DNAH10: variants seen among roughly 807,000 people sequenced by gnomAD.
DNAH10 encodes axonemal beta dynein heavy chain 10.
A neutral mutation model predicts 506.6 loss-of-function variants in DNAH10; 348 were observed. The observed-to-expected ratio is 0.69, with a 90% CI of 0.63 to 0.75. The LOEUF is 0.75. Ranked by LOEUF, DNAH10 falls within the 30% of genes least tolerant of loss-of-function variation. The pLI is 0.00. For missense variants in DNAH10, 5,179 were observed against 5,787.1 expected (o/e 0.89, Z 3.41); for synonymous variants, 2,059 against 2,198.6 (o/e 0.94, Z 1.78).
At chr12:123,896,168 G>C (rs1301470346) in intron 54 of DNAH10, among the ~76,000 whole-genome samples, 11 of 150,682 alleles carry the variant, frequency 7.3e-5, no homozygotes, top group South Asian at 4.3e-4. Flanking sequence ...GAGAGAGAGA[G>C]AGAGAGAGAG....
rs1270974089 is a variant in DNAH10 at position 123,914,269 on chromosome 12, T to A, written c.10353-60T>A. 20 of 1,490,564 alleles carry A rather than the reference T, an allele frequency of 1.3e-5. No homozygotes were observed. The Admixed American group carries it at 3.6e-4, about 27-fold the overall frequency. The allele number at this position is 1,490,564 out of a possible 1,614,324, so 92.3% of individuals were successfully genotyped here. A position where few individuals can be genotyped will look rare whatever the true frequency, so the allele number is the denominator to read the frequency against. ...GTATCAAGCTGGTTCTTCTGGAATG[T>A]TCCTTTTGGTTGTGGCCAGAAGGTA... On this transcript the variant is annotated intron_variant, in intron 60 of 78. Coordinates refer to ENST00000673944, the MANE Select transcript of DNAH10 (RefSeq NM_001372106.1).
chr12:123,853,282 G>T lies in DNAH10; in HGVS notation c.6368G>T (p.Gly2123Val), dbSNP rs745853296. ...TCCAAGCAGTATCACTATGATTTTG[G>T]ACTCAGAGCCCTGAAATCGGTGCTG... is the stretch of plus-strand genomic sequence containing the variant. ...QLSKQYHYDF[G>V]LRALKSVLVM... The change falls in exon 36 of 79, where the codon GGA becomes GTA. Residue 2123 changes from glycine to valine, a missense_variant. By Grantham distance (109) the Gly-to-Val change is moderately radical (BLOSUM62 -3). Transcript: ENST00000673944. The surrounding 1 kb of genome is among the most constrained non-coding windows in gnomAD (Gnocchi z 4.7). The T allele has an allele frequency of 1.5e-5, 24 of 1,611,576 alleles. No homozygotes were observed. In the South Asian group the frequency reaches 2.5e-4, roughly 17 times the overall value.
intron 27 of DNAH10, 41 bp downstream of exon 27, chr12:123,833,388 C>T (rs1960786635): frequency 6.7e-7 from 1 of 1,489,944 alleles, no homozygotes; most frequent in South Asian, 1.2e-5. Context: ...AGAGCCAGTG[C>T]ATAGCAGTGG....
intron 54 of DNAH10, among the ~76,000 whole-genome samples, chr12:123,895,133 G>A (rs1487131700): frequency 6.6e-6 from 1 of 152,156 alleles, no homozygotes; most frequent in Non-Finnish European, 1.5e-5. Context: ...AGTACTGTTC[G>A]GCTCTTTGTA....
intron 52 of DNAH10, among the ~76,000 whole-genome samples, chr12:123,892,300 C>T (rs371216107): frequency 9.9e-5 from 15 of 152,160 alleles, no homozygotes; most frequent in Non-Finnish European, 1.6e-4. Context: ...GGAGCAGGCG[C>T]GTCCCATGGC....
intron 5 of DNAH10, among the ~76,000 whole-genome samples, chr12:123,780,229 C>T (rs373754672): frequency 1.3e-5 from 2 of 148,600 alleles, no homozygotes; most frequent in African/African-American, 2.5e-5. Flanking sequence ...TGCAGTGGTG[C>T]GATCTCGGCT....
chr12:123,794,113 G>T lies in DNAH10; in HGVS notation c.1986+1G>T. The stretch of plus-strand genomic sequence containing the variant: ...TATTCTTGCACAGTACTGTAAAGAG[G>T]TAATTGAAAAATCGATAGCTGCCAT... On this transcript the variant is annotated splice_donor_variant, in intron 12 of 78. Coordinates refer to ENST00000673944, the MANE Select transcript of DNAH10 (RefSeq NM_001372106.1). LOFTEE classifies it high-confidence loss of function. 1.7e-6 allele frequency: 2 copies of T among 1,181,936 alleles called. No individual in the cohort carries two copies. Among genetic ancestry groups the T allele is most frequent in the South Asian group, 3.2e-5 (2 of 62,678 alleles). The allele number at this position is 1,181,936 out of a possible 1,614,324, so 73.2% of individuals were successfully genotyped here.
intron 66 of DNAH10, 142 bp downstream of exon 66, chr12:123,924,009 G>A: frequency 4.0e-6 from 3 of 742,356 alleles, no homozygotes; most frequent in Non-Finnish European, 6.4e-6. Context: ...CACTATTCCA[G>A]TTGATCATTC....
rs1222865843 is a variant in DNAH10 at position 123,856,219 on chromosome 12, TA to T, written c.6439-833del. On this transcript the variant is annotated intron_variant, in intron 36 of 78. Transcript: ENST00000673944. Reference sequence around the variant, plus strand: ...TAAATTTTATAAAATTTAATTTATATAAAATTGTAATATATGTATATAATTT... The same window carrying T: ...TAAATTTTATAAAATTTAATTTATATAAATTGTAATATATGTATATAATTT... 2.7e-5 allele frequency among the ~76,000 whole-genome samples: 4 copies of T among 147,712 alleles called. No homozygotes were observed. In the East Asian group the frequency reaches 5.8e-4, roughly 22 times the overall value.
rs758197040 is a variant in DNAH10 at position 123,846,182 on chromosome 12, A to G, written c.5814+28A>G. 18 of 1,597,998 alleles carry G rather than the reference A, an allele frequency of 1.1e-5. No homozygotes were observed. Among genetic ancestry groups the G allele is most frequent in the Non-Finnish European group, 1.5e-5 (17 of 1,170,966 alleles). On this transcript the variant is annotated intron_variant, in intron 32 of 78. Transcript: ENST00000673944. This position sits in a 1 kb window ranked among gnomAD's most constrained non-coding sequence, Gnocchi z 4.5. ...GACTGCCAGCCTGGCACTTGTGGTT[A>G]CCACTTACCTTGGGGCGGGGCATTT...
Position 123,841,344 on chromosome 12 carries a change from T to C in DNAH10, c.5159T>C (p.Leu1720Pro). ...MIKMYDNIAS[L>P]RFNDGDSGEK... is the part of the protein sequence containing the mutation. ...CAGATGTACGACAACATAGCATCACTGAGGTTTAATGACGGCGATAGTGGA... is the reference window on the plus strand; with the variant it reads ...CAGATGTACGACAACATAGCATCACCGAGGTTTAATGACGGCGATAGTGGA... The change falls in exon 30 of 79, where the codon CTG (leucine) becomes CCG (proline). Residue 1720 changes from leucine (L) to proline (P), a missense_variant. Around this residue, in one of 3 missense-constraint regions of DNAH10, gnomAD observed 4,844 missense variants for 5,430.5 expected, o/e 0.89. Coordinates refer to ENST00000673944, the MANE Select transcript of DNAH10 (RefSeq NM_001372106.1). 6.2e-7 allele frequency: 1 copy of C among 1,613,976 alleles called. No homozygotes were observed. The highest frequency in any genetic ancestry group is 8.5e-7 in the Non-Finnish European group (1 of 1,179,892).
In DNAH10 at chr12:123,865,951, G is replaced by A. The variant is rs1951787519; in HGVS notation, c.7045G>A (p.Val2349Ile). The A allele has an allele frequency of 6.2e-7, 1 of 1,601,376 alleles. No homozygotes were observed. The highest frequency in any genetic ancestry group is 8.5e-7 in the Non-Finnish European group (1 of 1,175,752). ...TGATTGATTTTCTTTATTTATCCAG[G>A]TTGGAGATTTACAGTATGCCTCCCC... ...LQAHCALLFE[V>I]GDLQYASPAT... The change falls in exon 41 of 79, where the codon GTT becomes ATT. Residue 2349 changes from valine to isoleucine, a missense_variant and splice_region_variant. Transcript: ENST00000673944.
rs749848596 is a variant in DNAH10 at position 123,914,906 on chromosome 12, C to T, written c.10629C>T (p.Leu3543=). The change falls in exon 62 of 79, where the codon CTC becomes CTT. Residue 3543 remains leucine, a synonymous_variant. Coordinates refer to ENST00000673944, the MANE Select transcript of DNAH10 (RefSeq NM_001372106.1). ...AGCTCTCCGTTCAGAATGGCATCCTCACCACCCGGGCCAGCCGCTTCCCTC... is the reference window on the plus strand; with the variant it reads ...AGCTCTCCGTTCAGAATGGCATCCTTACCACCCGGGCCAGCCGCTTCCCTC... ...PDELSVQNGI[L]TTRASRFPLC... 8.1e-6 allele frequency: 13 copies of T among 1,613,378 alleles called. No homozygotes were observed. Among genetic ancestry groups the T allele is most frequent in the South Asian group, 1.1e-5 (1 of 90,942 alleles).
At chr12:123,921,341 T>C (rs1302487331) in intron 65 of DNAH10, among the ~76,000 whole-genome samples, 6 of 152,256 alleles carry the variant, frequency 3.9e-5, no homozygotes. Context: ...AAACGTTCAC[T>C]GAAAGCCATA....
chr12:123,921,690 A>ATTTTTTTTTTTTT (rs1566107321), intron 65 of DNAH10, among the ~76,000 whole-genome samples: 2 of 98,232 alleles, frequency 2.0e-5, no homozygotes, highest in African/African-American at 8.0e-5. Context: ...TGTAGCTTGC[A>ATTTTTTTTTTTTT]GTTTTTTTTT....
chr12:123,887,648 G>A (rs1220031057), intron 52 of DNAH10, among the ~76,000 whole-genome samples: 1 of 152,172 alleles, frequency 6.6e-6, no homozygotes, highest in Non-Finnish European at 1.5e-5. Flanking sequence ...GAGAGGCCAG[G>A]TGTGGTGCCT....
chr12:123,768,933 C>CT (rs1454230347), intron 2 of DNAH10, among the ~76,000 whole-genome samples: 1 of 151,826 alleles, frequency 6.6e-6, no homozygotes, highest in Admixed American at 6.6e-5. Context: ...GAGATGGGGT[C>CT]TCACTATGTT....
intron 2 of DNAH10, among the ~76,000 whole-genome samples, chr12:123,768,662 C>T (rs746480072): frequency 1.7e-4 from 26 of 152,212 alleles, no homozygotes; most frequent in Non-Finnish European, 8.8e-5. Context: ...ATGCTTTGTA[C>T]TTTGTTTTGT....
chr12:123,859,110 A>G (rs1951513779), intron 37 of DNAH10, 40 bp from the exon 38 acceptor site: 3 of 1,552,668 alleles, frequency 1.9e-6, no homozygotes, highest in East Asian at 4.7e-5. Flanking sequence ...GTCAGAAAAA[A>G]GATAATGTTT....
Sources: gnomAD v4.1 joint callset for allele counts (sites outside exome capture counted in the v4.1 genomes callset) on GRCh38, gnomAD v4.1.1 for gene constraint, gnomAD v4.1.1 regional missense constraint, Gnocchi (gnomAD v3.1) non-coding constraint, MANE v1.5 for transcripts, NCBI Gene and HGNC (gene_info 2026-07-23, HGNC 2026-07-21) for gene names.